The following PLEKHF1 variants were observed in gnomAD, a reference collection of about 807,000 sequenced individuals.
PLEKHF1 encodes pleckstrin homology and FYVE domain containing 1.
Under a neutral mutation model 4.1 loss-of-function variants are expected in PLEKHF1, and 1 was observed. That is an observed-to-expected ratio of 0.24 (90% CI 0.09 to 1.15). The LOEUF (loss-of-function observed/expected upper bound fraction) is 1.15, where lower values mean the gene tolerates loss of function less well. Ranked by LOEUF, PLEKHF1 falls within the 50% of genes most tolerant of loss-of-function variation. PLEKHF1 has a pLI of 0.52. For synonymous variants in PLEKHF1, 182 were observed against 178.5 expected (o/e 1.02, Z -0.16); for missense variants, 429 against 400.6 (o/e 1.07, Z -0.60).
rs144100306 is a variant in PLEKHF1, at chr19:29,674,071, C to A, written c.232C>A (p.His78Asn). Residue 78 changes from histidine (H) to asparagine (N), a missense_variant, in exon 2 of 2, where the codon CAC (histidine) becomes AAC (asparagine). By Grantham distance (68) the His-to-Asn change is moderately conservative. Coordinates refer to ENST00000436066, the MANE Select transcript of PLEKHF1 (RefSeq NM_024310.5). Reference protein sequence around the residue: ...VLNKRKYRSQHIIPLEEVTLE... With the variant: ...VLNKRKYRSQNIIPLEEVTLE... ...CAACAAGCGCAAGTACCGCAGCCAG[C>A]ACATCATCCCCCTGGAGGAGGTCAC... 94 of 1,613,986 alleles carry A rather than the reference C, an allele frequency of 5.8e-5. No individual in the cohort carries two copies. The highest frequency in any genetic ancestry group is 7.5e-5 in the Non-Finnish European group (89 of 1,180,016).
chr19:29,666,128 C>T (rs1219596679), intron 1 of PLEKHF1, among the ~76,000 whole-genome samples: 1 of 152,112 alleles, frequency 6.6e-6, no homozygotes, highest in Non-Finnish European at 1.5e-5. Context: ...TTCTCGTTTC[C>T]CCAACACCTG....
At chr19:29,672,076 G>A (rs1398303486) in intron 1 of PLEKHF1, among the ~76,000 whole-genome samples, 1 of 152,082 alleles carries the variant, frequency 6.6e-6, no homozygotes, top group Non-Finnish European at 1.5e-5. Flanking sequence ...CTGTTCTCAT[G>A]GAGCTAAGAA....
At chr19:29,672,264 C>T (rs1242184844) in intron 1 of PLEKHF1, among the ~76,000 whole-genome samples, 1 of 152,144 alleles carries the variant, frequency 6.6e-6, no homozygotes, top group East Asian at 1.9e-4. Context: ...GTCACCAACA[C>T]TCAACTCTCC....
In PLEKHF1 at chr19:29,673,957, G is replaced by C; in HGVS notation, c.118G>C (p.Gly40Arg). The C allele has an allele frequency of 6.2e-7, 1 of 1,613,866 alleles. No individual in the cohort carries two copies. Among genetic ancestry groups the C allele is most frequent in the Non-Finnish European group, 8.5e-7 (1 of 1,179,944 alleles). Residue 40 changes from glycine (G) to arginine (R), a missense_variant, in exon 2 of 2, where the codon GGC (glycine) becomes CGC (arginine). Physicochemically the swap from Gly to Arg is moderately radical, Grantham distance 125. Coordinates refer to ENST00000436066, the MANE Select transcript of PLEKHF1 (RefSeq NM_024310.5). Reference protein sequence around the residue: ...ALPGRVLLGEGVLTKECRKKA... With the variant: ...ALPGRVLLGERVLTKECRKKA... ...GCCAGGCCGAGTGCTGCTGGGCGAG[G>C]GCGTGCTGACCAAAGAGTGCCGCAA...
In PLEKHF1 at chr19:29,674,584, T is replaced by C; in HGVS notation, c.745T>C (p.Ser249Pro). Residue 249 changes from serine (S) to proline (P), a missense_variant, in exon 2 of 2, where the codon TCC becomes CCC. Coordinates refer to ENST00000436066, the MANE Select transcript of PLEKHF1 (RefSeq NM_024310.5). ...CGASSGDDDD[S>P]DEDKEGSRDG... ...AGCGTCCAGTGGAGATGACGATGAC[T>C]CCGACGAGGACAAGGAGGGCAGCAG... 1.2e-6 allele frequency: 2 copies of C among 1,604,426 alleles called. No individual in the cohort carries two copies. Among genetic ancestry groups the C allele is most frequent in the Non-Finnish European group, 1.7e-6 (2 of 1,176,250 alleles).
At chr19:29,669,296 T>G (rs1971603911) in intron 1 of PLEKHF1, among the ~76,000 whole-genome samples, 1 of 152,150 alleles carries the variant, frequency 6.6e-6, no homozygotes, top group South Asian at 2.1e-4. Flanking sequence ...TCTCCAGAGC[T>G]CAACAAGCCC....
In PLEKHF1 at chr19:29,674,639, T is replaced by G; in HGVS notation, c.800T>G (p.Phe267Cys). ...RDGDWPSSVE[F>C]YASGVAWSAF... Reference sequence around the variant, plus strand: ...GGCGACTGGCCCAGCAGCGTGGAGTTCTACGCCTCGGGGGTGGCCTGGTCT... The same window carrying G: ...GGCGACTGGCCCAGCAGCGTGGAGTGCTACGCCTCGGGGGTGGCCTGGTCT... The change falls in exon 2 of 2, where the codon TTC becomes TGC. Residue 267 changes from phenylalanine (F) to cysteine (C), a missense_variant. By Grantham distance (205) the Phe-to-Cys change is radical. Coordinates refer to ENST00000436066, the MANE Select transcript of PLEKHF1 (RefSeq NM_024310.5). 6.2e-7 allele frequency: 1 copy of G among 1,610,244 alleles called. No individual in the cohort carries two copies. The highest frequency in any genetic ancestry group is 8.5e-7 in the Non-Finnish European group (1 of 1,179,044).
Position 29,674,068 on chromosome 19 carries a change from C to CAGCA in PLEKHF1, c.230_233dup (p.His78GlnfsTer48). On this transcript the variant is annotated frameshift_variant, in exon 2 of 2. Transcript: ENST00000436066. LOFTEE classifies it low-confidence loss of function (END_TRUNC). The stretch of plus-strand genomic sequence containing the variant: ...GCTCAACAAGCGCAAGTACCGCAGC[C>CAGCA]AGCACATCATCCCCCTGGAGGAGGT... 6.2e-7 allele frequency: 1 copy of CAGCA among 1,614,112 alleles called. No homozygotes were observed. The highest frequency in any genetic ancestry group is 8.5e-7 in the Non-Finnish European group (1 of 1,180,004).
At chr19:29,667,757 C>A (rs1971585457) in intron 1 of PLEKHF1, among the ~76,000 whole-genome samples, 1 of 152,200 alleles carries the variant, frequency 6.6e-6, no homozygotes. Flanking sequence ...CCCGTCAGGA[C>A]AGTACCTTGT....
In PLEKHF1 at chr19:29,674,917, A is replaced by G. The variant is rs1013426144; in HGVS notation, c.*238A>G. 1.7e-5 allele frequency: 10 copies of G among 584,362 alleles called. No homozygotes were observed. Among genetic ancestry groups the G allele is most frequent in the Non-Finnish European group, 2.9e-6 (1 of 342,734 alleles). The allele number at this position is 584,362 out of a possible 1,614,324, so 36.2% of individuals were successfully genotyped here. A position where few individuals can be genotyped will look rare whatever the true frequency, so the allele number is the denominator to read the frequency against. On this transcript the variant is annotated 3_prime_UTR_variant, in exon 2 of 2. Coordinates refer to ENST00000436066, the MANE Select transcript of PLEKHF1 (RefSeq NM_024310.5). Reference sequence around the variant, plus strand: ...CCCAGAACACCCACAGGTCTTGGTAACAAACGCCACCTTACACTCTGCAGG... The same window carrying G: ...CCCAGAACACCCACAGGTCTTGGTAGCAAACGCCACCTTACACTCTGCAGG...
chr19:29,672,869 C>T (rs1971646353), intron 1 of PLEKHF1, among the ~76,000 whole-genome samples: 3 of 152,186 alleles, frequency 2.0e-5, no homozygotes, highest in South Asian at 4.2e-4. Context: ...TTTATGGGGT[C>T]TTCAAGGTCG....
At position 29,671,662 on chromosome 19, in the gene PLEKHF1, A is replaced by C. The variant is rs1426619222; in HGVS notation, c.-16-2162A>C. Among the ~76,000 whole-genome samples, 2 of 152,112 alleles carry C rather than the reference A, an allele frequency of 1.3e-5. No homozygotes were observed. Among genetic ancestry groups the C allele is most frequent in the South Asian group, 2.1e-4 (1 of 4,822 alleles). ...AAGCTAAAAATAGCAGTTCTTACGT[A>C]AGGTAGTGTGGGCAGCCCTTCTCAG... On this transcript the variant is annotated intron_variant, in intron 1 of 1. Transcript: ENST00000436066. The surrounding 1 kb of genome is among the most constrained non-coding windows in gnomAD (Gnocchi z 4.0).
rs1568312167 is a variant in PLEKHF1, at chr19:29,674,673, C to T, written c.834C>T (p.His278=). ...YASGVAWSAF[H]S ...CGGGGGTGGCCTGGTCTGCCTTCCA[C>T]AGCTGACCCCCGGCCTGCAGAACAT... The change falls in exon 2 of 2, where the codon CAC becomes CAT. Residue 278 remains histidine (H), a synonymous_variant. Coordinates refer to ENST00000436066, the MANE Select transcript of PLEKHF1 (RefSeq NM_024310.5). The T allele has an allele frequency of 7.5e-6, 12 of 1,599,666 alleles. No individual in the cohort carries two copies. The highest frequency in any genetic ancestry group is 1.0e-5 in the Non-Finnish European group (12 of 1,171,988).
chr19:29,665,868 C>A, intron 1 of PLEKHF1: 1 of 979,478 alleles, frequency 1.0e-6, no homozygotes, highest in Non-Finnish European at 1.2e-6. Flanking sequence ...TTTCCGGGAT[C>A]CTGGCCTCGT....
chr19:29,674,514 G>C lies in PLEKHF1; in HGVS notation c.675G>C (p.Ala225=). 6.4e-7 allele frequency: 1 copy of C among 1,565,870 alleles called. No homozygotes were observed. The highest frequency in any genetic ancestry group is 8.6e-7 in the Non-Finnish European group (1 of 1,158,366). The change falls in exon 2 of 2, where the codon GCG becomes GCC. Residue 225 remains alanine (A), a synonymous_variant. Coordinates refer to ENST00000436066, the MANE Select transcript of PLEKHF1 (RefSeq NM_024310.5). Reference sequence around the variant, plus strand: ...AGGAGGAGGCGGAGGAGCAGGGCGCGGGGTCCCCAGGGCAGCCAGCCCACC... The same window carrying C: ...AGGAGGAGGCGGAGGAGCAGGGCGCCGGGTCCCCAGGGCAGCCAGCCCACC... ...QRQEEAEEQG[A]GSPGQPAHLA...
rs760871091 is a variant in PLEKHF1, at chr19:29,674,420, C to T, written c.581C>T (p.Pro194Leu). 17 of 1,529,672 alleles carry T rather than the reference C, an allele frequency of 1.1e-5. No homozygotes were observed. The East Asian group carries it at 2.9e-4, about 27-fold the overall frequency. The allele number at this position is 1,529,672 out of a possible 1,614,324, so 94.8% of individuals were successfully genotyped here. The change falls in exon 2 of 2, where the codon CCG (proline) becomes CTG (leucine). Residue 194 changes from proline to leucine, a missense_variant. Pro to Leu is a moderately conservative substitution (Grantham distance 98). Transcript: ENST00000436066. Reference sequence around the variant, plus strand: ...TGCTCGCGCCAGCGCTTCCTGCTCCCGCGCCTGTCCCCCAAGCCCGTGCGC... The same window carrying T: ...TGCTCGCGCCAGCGCTTCCTGCTCCTGCGCCTGTCCCCCAAGCCCGTGCGC... ...AECSRQRFLL[P>L]RLSPKPVRVC... is the part of the protein sequence containing the mutation.
Position 29,674,610 on chromosome 19 carries a change from G to A in PLEKHF1, c.771G>A (p.Arg257=). 1.2e-6 allele frequency: 2 copies of A among 1,608,860 alleles called. No homozygotes were observed. The highest frequency in any genetic ancestry group is 2.2e-5 in the South Asian group (2 of 90,248). The change falls in exon 2 of 2, where the codon AGG becomes AGA. Residue 257 remains arginine (R), a synonymous_variant. Coordinates refer to ENST00000436066, the MANE Select transcript of PLEKHF1 (RefSeq NM_024310.5). ...DDSDEDKEGS[R]DGDWPSSVEF... ...CCGACGAGGACAAGGAGGGCAGCAG[G>A]GACGGCGACTGGCCCAGCAGCGTGG...
chr19:29,666,449 G>C (rs1360118457), intron 1 of PLEKHF1, among the ~76,000 whole-genome samples: 2 of 152,216 alleles, frequency 1.3e-5, no homozygotes, highest in Admixed American at 6.5e-5. Flanking sequence ...ACACAGGCCA[G>C]GCAGCCCTGG....
chr19:29,666,077 G>C (rs961115014), intron 1 of PLEKHF1, among the ~76,000 whole-genome samples: 2 of 152,118 alleles, frequency 1.3e-5, no homozygotes, highest in African/African-American at 2.4e-5. Flanking sequence ...GGAAACTATT[G>C]AGCAGGCCCG....
Sources: gnomAD v4.1 joint callset for allele counts (sites outside exome capture counted in the v4.1 genomes callset) on GRCh38, gnomAD v4.1.1 for gene constraint, Gnocchi (gnomAD v3.1) non-coding constraint, MANE v1.5 for transcripts, NCBI Gene and HGNC (gene_info 2026-07-23, HGNC 2026-07-21) for gene names.